RAB3C: variants seen among roughly 807,000 people sequenced by gnomAD.
RAB3C encodes the protein RAB3C, member RAS oncogene family.
In RAB3C, 17 loss-of-function variants were observed where a neutral mutation model predicts 26.4. The observed-to-expected ratio is 0.64, with a 90% confidence interval of 0.44 to 0.97. RAB3C has a LOEUF of 0.97. Ranked by LOEUF, RAB3C falls within the 50% of genes least tolerant of loss-of-function variation. RAB3C has a pLI of 0.00. For synonymous variants in RAB3C, 91 were observed against 95.9 expected, an observed-to-expected ratio of 0.95 and a Z score of 0.30; for missense variants, 242 against 281.9, an observed-to-expected ratio of 0.86 and a Z score of 1.01.
At chr5:58,817,361 A>G (rs955260143) in intron 3 of RAB3C, among the ~76,000 whole-genome samples, 3 of 152,142 alleles carry the variant, frequency 2.0e-5, no homozygotes, top group African/African-American at 7.2e-5. Context: ...ATTTTTAAGG[A>G]TATCTTTTTA....
intron 2 of RAB3C, among the ~76,000 whole-genome samples, chr5:58,722,627 T>C (rs758946141): frequency 1.7e-4 from 26 of 151,850 alleles, no homozygotes; most frequent in Admixed American, 2.6e-4. Context: ...TGCTTATGCT[T>C]TTCATTTTAA....
At chr5:58,584,509 A>G (rs200821023) in intron 1 of RAB3C, among the ~76,000 whole-genome samples, 1 of 152,184 alleles carries the variant, frequency 6.6e-6, no homozygotes, top group Non-Finnish European at 1.5e-5. Context: ...ATCTGAACAG[A>G]CAATAAAGGT....
chr5:58,621,894 G>A (rs1746949195), intron 2 of RAB3C, among the ~76,000 whole-genome samples: 1 of 152,120 alleles, frequency 6.6e-6, no homozygotes, highest in Admixed American at 6.5e-5. Flanking sequence ...CATTTTTACT[G>A]GGTCAGGAAG....
intron 4 of RAB3C, among the ~76,000 whole-genome samples, chr5:58,841,233 A>G (rs992996177): frequency 6.6e-6 from 1 of 152,294 alleles, no homozygotes; most frequent in South Asian, 2.1e-4. Flanking sequence ...AGGGGAGGGC[A>G]TGTAGCAGTT....
At chr5:58,814,554 A>T (rs1227807533) in intron 3 of RAB3C, 1 of 152,198 alleles carries the variant, frequency 6.6e-6, no homozygotes, top group Admixed American at 6.5e-5. Context: ...AGGACAATAT[A>T]AATCTTGTCT....
intron 3 of RAB3C, among the ~76,000 whole-genome samples, chr5:58,752,975 G>C (rs556527173): frequency 6.6e-6 from 1 of 151,844 alleles, no homozygotes; most frequent in South Asian, 2.1e-4. Context: ...CCCAGGCAGG[G>C]TCAATTTTAG....
chr5:58,655,361 T>C (rs1273829645), intron 2 of RAB3C, among the ~76,000 whole-genome samples: 1 of 152,162 alleles, frequency 6.6e-6, no homozygotes, highest in Non-Finnish European at 1.5e-5. Flanking sequence ...GTGGAAGAAT[T>C]GTATAAAAGG....
intron 2 of RAB3C, among the ~76,000 whole-genome samples, chr5:58,677,411 A>G (rs1478777582): frequency 6.6e-6 from 1 of 152,174 alleles, no homozygotes; most frequent in East Asian, 1.9e-4. Context: ...AGCTAACTAG[A>G]TAGATAATTT....
chr5:58,681,304 T>A (rs1748337502), intron 2 of RAB3C, among the ~76,000 whole-genome samples: 1 of 152,226 alleles, frequency 6.6e-6, no homozygotes, highest in Admixed American at 6.5e-5. Flanking sequence ...TCATTACAGA[T>A]GAATATTGGG....
intron 2 of RAB3C, among the ~76,000 whole-genome samples, chr5:58,662,572 G>A (rs1051718615): frequency 1.3e-5 from 2 of 150,244 alleles, no homozygotes; most frequent in Non-Finnish European, 2.9e-5. Flanking sequence ...AGCTAAGAAA[G>A]CAGAAGATAA....
At chr5:58,669,516 T>G (rs755131585) in intron 2 of RAB3C, among the ~76,000 whole-genome samples, 9 of 152,072 alleles carry the variant, frequency 5.9e-5, no homozygotes, top group Non-Finnish European at 1.3e-4. Flanking sequence ...ACAGTGATGG[T>G]GTAAATCCCA....
chr5:58,598,929 C>T (rs185874704), intron 1 of RAB3C, among the ~76,000 whole-genome samples: 1 of 152,212 alleles, frequency 6.6e-6, no homozygotes, highest in African/African-American at 2.4e-5. Flanking sequence ...AGAAGAATAT[C>T]AAAGATAATC....
At chr5:58,758,365 C>A (rs1478055493) in intron 3 of RAB3C, among the ~76,000 whole-genome samples, 3 of 152,134 alleles carry the variant, frequency 2.0e-5, no homozygotes, top group East Asian at 1.9e-4. Flanking sequence ...TGAATACTTA[C>A]AATATGCCAC....
At chr5:58,762,795 C>G (rs1741825825) in intron 3 of RAB3C, among the ~76,000 whole-genome samples, 1 of 152,120 alleles carries the variant, frequency 6.6e-6, no homozygotes, top group African/African-American at 2.4e-5. Context: ...AGTTTTCCTA[C>G]TAATAACTAG....
intron 3 of RAB3C, among the ~76,000 whole-genome samples, chr5:58,785,872 C>A: frequency 6.6e-6 from 1 of 152,198 alleles, no homozygotes; most frequent in East Asian, 1.9e-4. Flanking sequence ...GTAGAATAAT[C>A]AGTTTCAGAG....
At chr5:58,629,985 G>A (rs1023750214) in intron 2 of RAB3C, among the ~76,000 whole-genome samples, 4 of 152,180 alleles carry the variant, frequency 2.6e-5, no homozygotes, top group African/African-American at 7.2e-5. Context: ...GAAGGTTGCT[G>A]CAGGTTGTGG....
intron 3 of RAB3C, among the ~76,000 whole-genome samples, chr5:58,746,311 T>C (rs1741402073): frequency 6.6e-6 from 1 of 152,208 alleles, no homozygotes; most frequent in Admixed American, 6.5e-5. Context: ...TCAGGCAGTC[T>C]ACACTTTTTA....
chr5:58,776,072 A>G (rs1742134467), intron 3 of RAB3C, among the ~76,000 whole-genome samples: 1 of 152,052 alleles, frequency 6.6e-6, no homozygotes, highest in Admixed American at 6.6e-5. Flanking sequence ...CACCAGACAT[A>G]CCAGATTCCT....
chr5:58,817,643 G>T (rs896602921), intron 3 of RAB3C, among the ~76,000 whole-genome samples: 26 of 152,138 alleles, frequency 1.7e-4, no homozygotes, highest in Non-Finnish European at 2.6e-4. Context: ...AGTAGTTGGA[G>T]GGAATCATCC....
Sources: gnomAD v4.1 joint callset for allele counts (sites outside exome capture counted in the v4.1 genomes callset) on GRCh38, gnomAD v4.1.1 for gene constraint, MANE v1.5 for transcripts, NCBI Gene and HGNC (gene_info 2026-07-23, HGNC 2026-07-21) for gene names.